The following FUCA2 variants were observed in gnomAD, a reference collection of about 807,000 sequenced individuals.
FUCA2 encodes the protein alpha-L-fucosidase 2.
FUCA2 carries 41 observed loss-of-function variants against 52.6 expected under a neutral mutation model. The observed-to-expected ratio is 0.78, with a 90% CI of 0.61 to 1.01. The LOEUF (loss-of-function observed/expected upper bound fraction) is 1.01, where lower values mean the gene tolerates loss of function less well. Among genes scored for constraint, FUCA2 ranks in the 50% least tolerant of loss-of-function variants. FUCA2 has a pLI of 0.00. For synonymous variants in FUCA2, 211 were observed against 217.3 expected, an observed-to-expected ratio of 0.97 and a Z score of 0.26; for missense variants, 507 against 569.5, an observed-to-expected ratio of 0.89 and a Z score of 1.12.
Position 143,507,124 on chromosome 6 carries a change from C to T in FUCA2, c.412+113G>A. 1 of 970,466 alleles carries T rather than the reference C, an allele frequency of 1.0e-6. No individual in the cohort carries two copies. Among genetic ancestry groups the T allele is most frequent in the Non-Finnish European group, 1.5e-6 (1 of 664,256 alleles). 60.1% of individuals were successfully genotyped at this position (970,466 alleles called of 1,614,324 possible). On this transcript the variant is annotated intron_variant, in intron 2 of 6. Coordinates refer to ENST00000002165, the MANE Select transcript of FUCA2 (RefSeq NM_032020.5). This position sits in a 1 kb window ranked among gnomAD's most constrained non-coding sequence, Gnocchi z 4.5. ...AGTCATAAGCAAGTGCCAGTCACCACTTATGGTTGCTCCGAAGAGAAAATT... is the reference window on the plus strand; with the variant it reads ...AGTCATAAGCAAGTGCCAGTCACCATTTATGGTTGCTCCGAAGAGAAAATT...
In FUCA2 at chr6:143,499,760, C is replaced by T. The variant is rs1287550889; in HGVS notation, c.1154+2172G>A. Among the ~76,000 whole-genome samples, 1 of 152,030 alleles carries T rather than the reference C, an allele frequency of 6.6e-6. No individual in the cohort carries two copies. The highest frequency in any genetic ancestry group is 6.6e-5 in the Admixed American group (1 of 15,258). On this transcript the variant is annotated intron_variant, in intron 5 of 6. Coordinates refer to ENST00000002165, the MANE Select transcript of FUCA2 (RefSeq NM_032020.5). The surrounding 1 kb of genome is among the most constrained non-coding windows in gnomAD (Gnocchi z 6.0). ...CTGGCAAGGCAGATGTTATTGTGGG[C>T]CTTGAGAAGAGCAATTCTGGAGTGT...
Position 143,503,492 on chromosome 6 carries a change from T to G in FUCA2, c.752+421A>C, listed in dbSNP as rs1780558140. Reference sequence around the variant, plus strand: ...GGAGACAAACAAGGGTGACATTGGCTGGGCAGCAAAGATGACCAAAAGGTA... The same window carrying G: ...GGAGACAAACAAGGGTGACATTGGCGGGGCAGCAAAGATGACCAAAAGGTA... On this transcript the variant is annotated intron_variant, in intron 3 of 6. Coordinates refer to ENST00000002165, the MANE Select transcript of FUCA2 (RefSeq NM_032020.5). The surrounding 1 kb of genome is among the most constrained non-coding windows in gnomAD (Gnocchi z 4.8). 1 of 157,688 alleles carries G rather than the reference T, an allele frequency of 6.3e-6. No individual in the cohort carries two copies. The highest frequency in any genetic ancestry group is 1.4e-5 in the Non-Finnish European group (1 of 71,854). The allele number at this position is 157,688 out of a possible 1,614,324, so 9.8% of individuals were successfully genotyped here.
At position 143,497,336 on chromosome 6, in the gene FUCA2, A is replaced by G. The variant is rs954008499; in HGVS notation, c.1263+53T>C. ...GCTCCCCTTAAAAGTTAATGTTTGC[A>G]TCAAGATGTTCTAATCAGCAATTTA... is the stretch of plus-strand genomic sequence containing the variant. On this transcript the variant is annotated intron_variant, in intron 6 of 6. Transcript: ENST00000002165. The surrounding 1 kb of genome is among the most constrained non-coding windows in gnomAD (Gnocchi z 5.3). 3.5e-6 allele frequency: 4 copies of G among 1,137,756 alleles called. No homozygotes were observed. In the African/African-American group the frequency reaches 6.1e-5, roughly 17 times the overall value. The allele number at this position is 1,137,756 out of a possible 1,614,324, so 70.5% of individuals were successfully genotyped here.
rs1780517804 is a variant in FUCA2 at position 143,500,796 on chromosome 6, G to A, written c.1154+1136C>T. Among the ~76,000 whole-genome samples the A allele has an allele frequency of 6.6e-6, 1 of 152,154 alleles. No homozygotes were observed. The highest frequency in any genetic ancestry group is 1.5e-5 in the Non-Finnish European group (1 of 68,024). ...GTAGTTCTGGGGACAGGGACAGCAA[G>A]CCAGGGCTCTCTCAAAGGATTTTAA... is the stretch of plus-strand genomic sequence containing the variant. On this transcript the variant is annotated intron_variant, in intron 5 of 6. Transcript: ENST00000002165. This position sits in a 1 kb window ranked among gnomAD's most constrained non-coding sequence, Gnocchi z 6.9.
Position 143,511,159 on chromosome 6 carries a change from G to A in FUCA2, c.224+252C>T, listed in dbSNP as rs1191787448. Among the ~76,000 whole-genome samples the A allele has an allele frequency of 1.3e-5, 2 of 152,202 alleles. No individual in the cohort carries two copies. The highest frequency in any genetic ancestry group is 2.9e-5 in the Non-Finnish European group (2 of 68,044). Reference sequence around the variant, plus strand: ...TAATATGCGCAACTATGAAGAAGCTGAGGAGTCAGGAGTATCTGAAAACTC... The same window carrying A: ...TAATATGCGCAACTATGAAGAAGCTAAGGAGTCAGGAGTATCTGAAAACTC... On this transcript the variant is annotated intron_variant, in intron 1 of 6. Transcript: ENST00000002165. The surrounding 1 kb of genome is among the most constrained non-coding windows in gnomAD (Gnocchi z 6.3).
rs1252469086 is a variant in FUCA2 at position 143,504,007 on chromosome 6, A to T, written c.658T>A (p.Tyr220Asn). Residue 220 changes from tyrosine (Y) to asparagine (N), a missense_variant, in exon 3 of 7, where the codon TAT (tyrosine) becomes AAT (asparagine). Transcript: ENST00000002165. The surrounding 1 kb of genome is among the most constrained non-coding windows in gnomAD (Gnocchi z 4.4). ...LPELYELVNN[Y>N]QPEVLWSDGD... The stretch of plus-strand genomic sequence containing the variant: ...TCCGACCACAGAACCTCAGGCTGAT[A>T]GTTGTTCACTAACTCATAGAGCTCT... 2 of 1,614,062 alleles carry T rather than the reference A, an allele frequency of 1.2e-6. No homozygotes were observed. Among genetic ancestry groups the T allele is most frequent in the Non-Finnish European group, 1.7e-6 (2 of 1,180,024 alleles).
chr6:143,511,676 G>T lies in FUCA2; in HGVS notation c.-42C>A. The T allele has an allele frequency of 7.0e-7, 1 of 1,422,324 alleles. No homozygotes were observed. The allele number at this position is 1,422,324 out of a possible 1,614,324, so 88.1% of individuals were successfully genotyped here. ...GCTGTCCTCTCTGCAGGCTCCCGCG[G>T]CCTCGGGAGCGCTGTTCTTCCGTCT... is the stretch of plus-strand genomic sequence containing the variant. On this transcript the variant is annotated 5_prime_UTR_variant, in exon 1 of 7. Coordinates refer to ENST00000002165, the MANE Select transcript of FUCA2 (RefSeq NM_032020.5). This position sits in a 1 kb window ranked among gnomAD's most constrained non-coding sequence, Gnocchi z 6.3.
At chr6:143,505,825 A>ATTC (rs1780598249) in intron 2 of FUCA2, 1 of 152,196 alleles carries the variant, frequency 6.6e-6, no homozygotes, top group Non-Finnish European at 1.5e-5. Context: ...TCCTGAGCTT[A>ATTC]GTATGCATTT....
Position 143,499,900 on chromosome 6 carries a change from TG to T in FUCA2, c.1154+2031del, listed in dbSNP as rs560992436. On this transcript the variant is annotated intron_variant, in intron 5 of 6. Transcript: ENST00000002165. This position sits in a 1 kb window ranked among gnomAD's most constrained non-coding sequence, Gnocchi z 6.0. ...TTTACTACAAAGGAAAGGAGAGAAATGGGAAGATCACTAGAAATGCAAGTGA... is the reference window on the plus strand; with the variant it reads ...TTTACTACAAAGGAAAGGAGAGAAATGGAAGATCACTAGAAATGCAAGTGA... 7.2e-4 allele frequency among the ~76,000 whole-genome samples: 109 copies of T among 152,110 alleles called. No homozygotes were observed. The highest frequency in any genetic ancestry group is 2.5e-3 in the African/African-American group (103 of 41,496).
chr6:143,505,577 A>G (rs1470411932), intron 2 of FUCA2: 1 of 152,164 alleles, frequency 6.6e-6, no homozygotes, highest in Admixed American at 6.5e-5. Flanking sequence ...TTGGCCTCCC[A>G]AAGTGTTGGA....
rs140243222 is a variant in FUCA2, at chr6:143,495,749, C to A, written c.1362G>T (p.Pro454=). The A allele has an allele frequency of 6.2e-7, 1 of 1,614,040 alleles. No individual in the cohort carries two copies. Among genetic ancestry groups the A allele is most frequent in the Non-Finnish European group, 8.5e-7 (1 of 1,179,950 alleles). ...ELPQLTIHQM[P]CKWGWALALT... is the part of the protein sequence containing the mutation. Reference sequence around the variant, plus strand: ...GGGCTAGAGCCCAGCCCCATTTACACGGCATCTGATGAATGGTTAGCTGTG... The same window carrying A: ...GGGCTAGAGCCCAGCCCCATTTACAAGGCATCTGATGAATGGTTAGCTGTG... The change falls in exon 7 of 7, where the codon CCG becomes CCT. Residue 454 remains proline (P), a synonymous_variant. Coordinates refer to ENST00000002165, the MANE Select transcript of FUCA2 (RefSeq NM_032020.5). The surrounding 1 kb of genome is among the most constrained non-coding windows in gnomAD (Gnocchi z 5.2).
At chr6:143,508,871 A>ATTAT (rs372662802) in intron 1 of FUCA2, among the ~76,000 whole-genome samples, 3 of 152,122 alleles carry the variant, frequency 2.0e-5, no homozygotes, top group Admixed American at 1.3e-4. Flanking sequence ...AAGCATTTTT[A>ATTAT]TTATTTATTT....
rs1780573447 is a variant in FUCA2, at chr6:143,504,454, GT to G, written c.413-203del. The G allele has an allele frequency of 3.5e-6, 2 of 564,886 alleles. No homozygotes were observed. The highest frequency in any genetic ancestry group is 3.2e-5 in the Admixed American group (1 of 31,566). The allele number at this position is 564,886 out of a possible 1,614,324, so 35.0% of individuals were successfully genotyped here. A position where few individuals can be genotyped will look rare whatever the true frequency, so the allele number is the denominator to read the frequency against. ...TGAGAATTTAAACAAGGTGAGACAG[GT>G]TTTTAAAAGCAACTTTCAGGGTATA... On this transcript the variant is annotated intron_variant, in intron 2 of 6. Coordinates refer to ENST00000002165, the MANE Select transcript of FUCA2 (RefSeq NM_032020.5). This position sits in a 1 kb window ranked among gnomAD's most constrained non-coding sequence, Gnocchi z 4.4.
Position 143,497,425 on chromosome 6 carries a change from G to T in FUCA2, c.1227C>A (p.Phe409Leu). 1 of 1,613,824 alleles carries T rather than the reference G, an allele frequency of 6.2e-7. No homozygotes were observed. Reference sequence around the variant, plus strand: ...CCAGAATAGCTTTGGGATGGCCAAGGAACAGCTGTCCTGATGTGGGCCATT... The same window carrying T: ...CCAGAATAGCTTTGGGATGGCCAAGTAACAGCTGTCCTGATGTGGGCCATT... ...FLKWPTSGQL[F>L]LGHPKAILGA... Residue 409 changes from phenylalanine to leucine, a missense_variant, in exon 6 of 7, where the codon TTC becomes TTA. Phe to Leu is a conservative substitution (Grantham distance 22). Coordinates refer to ENST00000002165, the MANE Select transcript of FUCA2 (RefSeq NM_032020.5). The surrounding 1 kb of genome is among the most constrained non-coding windows in gnomAD (Gnocchi z 5.3).
rs1336570553 is a variant in FUCA2, at chr6:143,511,197, G to A, written c.224+214C>T. 6.6e-6 allele frequency among the ~76,000 whole-genome samples: 1 copy of A among 152,182 alleles called. No homozygotes were observed. Among genetic ancestry groups the A allele is most frequent in the Non-Finnish European group, 1.5e-5 (1 of 68,038 alleles). ...TATCTGAAAACTCTTACAGTCACAC[G>A]GAAGAAAAATTCCCTGTTCATCCAG... On this transcript the variant is annotated intron_variant, in intron 1 of 6. Coordinates refer to ENST00000002165, the MANE Select transcript of FUCA2 (RefSeq NM_032020.5). This position sits in a 1 kb window ranked among gnomAD's most constrained non-coding sequence, Gnocchi z 6.3.
In FUCA2 at chr6:143,502,091, T is replaced by G. The variant is rs372941680; in HGVS notation, c.995A>C (p.Asn332Thr). 1.9e-6 allele frequency: 3 copies of G among 1,611,088 alleles called. No individual in the cohort carries two copies. In the African/African-American group the frequency reaches 4.0e-5, roughly 22 times the overall value. ...TGTGGGCCCAATATTCATCAAAAGATTTCCTCCACATGAAACTGTCTCTAC... is the reference window on the plus strand; with the variant it reads ...TGTGGGCCCAATATTCATCAAAAGAGTTCCTCCACATGAAACTGTCTCTAC... Reference protein sequence around the residue: ...QLVETVSCGGNLLMNIGPTLD... With the variant: ...QLVETVSCGGTLLMNIGPTLD... The change falls in exon 5 of 7, where the codon AAT (asparagine) becomes ACT (threonine). Residue 332 changes from asparagine to threonine, a missense_variant. Transcript: ENST00000002165. This position sits in a 1 kb window ranked among gnomAD's most constrained non-coding sequence, Gnocchi z 4.1.
Position 143,504,429 on chromosome 6 carries a change from T to C in FUCA2, c.413-177A>G. ...ATATATTGTGCTTTTATATGAGAAGTGAGAATTTAAACAAGGTGAGACAGG... is the reference window on the plus strand; with the variant it reads ...ATATATTGTGCTTTTATATGAGAAGCGAGAATTTAAACAAGGTGAGACAGG... On this transcript the variant is annotated intron_variant, in intron 2 of 6. Coordinates refer to ENST00000002165, the MANE Select transcript of FUCA2 (RefSeq NM_032020.5). This position sits in a 1 kb window ranked among gnomAD's most constrained non-coding sequence, Gnocchi z 4.4. 1 of 610,672 alleles carries C rather than the reference T, an allele frequency of 1.6e-6. No individual in the cohort carries two copies. Among genetic ancestry groups the C allele is most frequent in the Non-Finnish European group, 2.8e-6 (1 of 354,550 alleles). The allele number at this position is 610,672 out of a possible 1,614,324, so 37.8% of individuals were successfully genotyped here. A position where few individuals can be genotyped will look rare whatever the true frequency, so the allele number is the denominator to read the frequency against.
chr6:143,503,802 C>T lies in FUCA2; in HGVS notation c.752+111G>A, dbSNP rs1226450664. 2.7e-5 allele frequency: 21 copies of T among 771,988 alleles called. No homozygotes were observed. In the South Asian group the frequency reaches 2.8e-4, roughly 10 times the overall value. The allele number at this position is 771,988 out of a possible 1,614,324, so 47.8% of individuals were successfully genotyped here. A position where few individuals can be genotyped will look rare whatever the true frequency, so the allele number is the denominator to read the frequency against. The stretch of plus-strand genomic sequence containing the variant: ...TATTATTTACAATGATTTTCTCCCC[C>T]CATACCACCAATGACTTAAAATGAA... On this transcript the variant is annotated intron_variant, in intron 3 of 6. Transcript: ENST00000002165. The surrounding 1 kb of genome is among the most constrained non-coding windows in gnomAD (Gnocchi z 4.8).
rs1584028469 is a variant in FUCA2 at position 143,504,378 on chromosome 6, C to T, written c.413-126G>A. ...TATAAATACCTGCTCCTACAAATGA[C>T]TGTTTTATGGCCATTTTTTCATAGC... On this transcript the variant is annotated intron_variant, in intron 2 of 6. Transcript: ENST00000002165. This position sits in a 1 kb window ranked among gnomAD's most constrained non-coding sequence, Gnocchi z 4.4. 2.6e-6 allele frequency: 2 copies of T among 775,066 alleles called. No homozygotes were observed. Among genetic ancestry groups the T allele is most frequent in the East Asian group, 5.2e-5 (2 of 38,468 alleles). 48.0% of individuals were successfully genotyped at this position (775,066 alleles called of 1,614,324 possible).
Sources: gnomAD v4.1 joint callset for allele counts (sites outside exome capture counted in the v4.1 genomes callset) on GRCh38, gnomAD v4.1.1 for gene constraint, Gnocchi (gnomAD v3.1) non-coding constraint, MANE v1.5 for transcripts, NCBI Gene and HGNC (gene_info 2026-07-23, HGNC 2026-07-21) for gene names.